SHISA6: variants seen among roughly 807,000 people sequenced by gnomAD.
SHISA6 encodes protein shisa-6.
In SHISA6, 22 loss-of-function variants were observed where a neutral mutation model predicts 47.9. The ratio of observed to expected loss-of-function variants is 0.46; its 90% CI spans 0.33 to 0.66. The LOEUF (loss-of-function observed/expected upper bound fraction) is 0.66, where lower values mean the gene tolerates loss of function less well. Ranked by LOEUF, SHISA6 falls within the 30% of genes least tolerant of loss-of-function variation. The pLI, the probability that SHISA6 is intolerant of heterozygous loss-of-function variation, is 0.02. For missense variants in SHISA6, 680 were observed against 764.6 expected (o/e 0.89, Z 1.30); for synonymous variants, 388 against 337.8 (o/e 1.15, Z -1.63).
chr17:11,242,218 T>G (rs72635524), intron 1 of SHISA6, among the ~76,000 whole-genome samples, 158 bp downstream of exon 1: 67,757 of 152,112 alleles, frequency 0.45, 16,893 homozygotes, highest in Admixed American at 0.62. Context: ...CAGGGTCTTC[T>G]TGTGCCCCCT....
At chr17:11,363,813 G>C (rs1181873777) in intron 2 of SHISA6, among the ~76,000 whole-genome samples, 1 of 152,110 alleles carries the variant, frequency 6.6e-6, no homozygotes, top group African/African-American at 2.4e-5. Flanking sequence ...CCTTTCCATG[G>C]CAATGACCTG....
At chr17:11,509,304 C>T (rs935727477) in intron 3 of SHISA6, among the ~76,000 whole-genome samples, 1 of 152,260 alleles carries the variant, frequency 6.6e-6, no homozygotes, top group African/African-American at 2.4e-5. Context: ...AGGAGATCCA[C>T]TCAAAAAGTA....
intron 3 of SHISA6, among the ~76,000 whole-genome samples, chr17:11,479,087 T>C (rs889696051): frequency 1.3e-5 from 2 of 152,082 alleles, no homozygotes; most frequent in African/African-American, 2.4e-5. Context: ...ACCTTTTTTT[T>C]AATGGTTGCC....
At chr17:11,550,620 C>T (rs932261526) in intron 3 of SHISA6, among the ~76,000 whole-genome samples, 2 of 152,086 alleles carry the variant, frequency 1.3e-5, no homozygotes, top group East Asian at 1.9e-4. Flanking sequence ...TCCAGGCCCA[C>T]GGAACAACAG....
At chr17:11,450,003 G>C (rs1915342985) in intron 3 of SHISA6, among the ~76,000 whole-genome samples, 1 of 152,154 alleles carries the variant, frequency 6.6e-6, no homozygotes, top group Non-Finnish European at 1.5e-5. Flanking sequence ...TCCTGCGTCA[G>C]CCTCCCAAGT....
At chr17:11,273,988 C>T (rs1270327742) in intron 2 of SHISA6, among the ~76,000 whole-genome samples, 1 of 152,238 alleles carries the variant, frequency 6.6e-6, no homozygotes, top group Non-Finnish European at 1.5e-5. Flanking sequence ...AGTGGCTTTT[C>T]TCAGCATAGG....
chr17:11,455,193 CA>C lies in SHISA6; in HGVS notation c.895+75692del, dbSNP rs370108497. Among the ~76,000 whole-genome samples, 48 of 147,534 alleles carry C rather than the reference CA, an allele frequency of 3.3e-4. No homozygotes were observed. The South Asian group carries it at 6.3e-3, about 19-fold the overall frequency. On this transcript the variant is annotated intron_variant, in intron 3 of 5. Transcript: ENST00000441885. The stretch of plus-strand genomic sequence containing the variant: ...CAAAAAAACAAAACAAACAAACAAA[CA>C]AAAAAAACAGTTCAATGAATGAATG...
At chr17:11,260,710 T>C (rs1908201938) in intron 1 of SHISA6, among the ~76,000 whole-genome samples, 1 of 151,984 alleles carries the variant, frequency 6.6e-6, no homozygotes, top group Admixed American at 6.6e-5. Context: ...CCCTGCTCTC[T>C]CTTGCTTGGG....
intron 3 of SHISA6, among the ~76,000 whole-genome samples, chr17:11,443,886 G>C (rs1915160131): frequency 6.6e-6 from 1 of 152,180 alleles, no homozygotes; most frequent in Admixed American, 6.5e-5. Flanking sequence ...GTAAAAATAT[G>C]CTATCTGATG....
At chr17:11,291,903 T>C (rs1909560407) in intron 2 of SHISA6, among the ~76,000 whole-genome samples, 1 of 152,168 alleles carries the variant, frequency 6.6e-6, no homozygotes, top group African/African-American at 2.4e-5. Context: ...TATTTATTTA[T>C]TGTAACTGAT....
chr17:11,319,313 A>C (rs1282345662), intron 2 of SHISA6, among the ~76,000 whole-genome samples: 1 of 152,146 alleles, frequency 6.6e-6, no homozygotes, highest in East Asian at 1.9e-4. Flanking sequence ...TCCTGACCTC[A>C]GGTGATCCAC....
At chr17:11,449,164 G>A (rs1915314140) in intron 3 of SHISA6, among the ~76,000 whole-genome samples, 1 of 152,114 alleles carries the variant, frequency 6.6e-6, no homozygotes, top group African/African-American at 2.4e-5. Context: ...GCTTGGGGCT[G>A]GGCGTGGTGG....
At chr17:11,390,147 C>T (rs1396736972) in intron 3 of SHISA6, among the ~76,000 whole-genome samples, 2 of 152,224 alleles carry the variant, frequency 1.3e-5, no homozygotes, top group African/African-American at 2.4e-5. Context: ...AGTCTTACTC[C>T]ACTCCAAATA....
At chr17:11,413,328 GA>G (rs1367977930) in intron 3 of SHISA6, among the ~76,000 whole-genome samples, 69 of 152,316 alleles carry the variant, frequency 4.5e-4, no homozygotes, top group Non-Finnish European at 9.1e-4. Context: ...CTGCCCTATA[GA>G]ACAAGATGTC....
intron 2 of SHISA6, among the ~76,000 whole-genome samples, chr17:11,375,727 T>G (rs1040018975): frequency 6.6e-6 from 1 of 152,170 alleles, no homozygotes; most frequent in South Asian, 2.1e-4. Flanking sequence ...CTAGGACTTC[T>G]GAATTGTGCT....
chr17:11,375,767 G>A (rs1027382079), intron 2 of SHISA6, among the ~76,000 whole-genome samples: 6 of 152,162 alleles, frequency 3.9e-5, no homozygotes, highest in African/African-American at 1.4e-4. Flanking sequence ...GAGTTCTGAC[G>A]GGAGGTCGAG....
chr17:11,463,654 A>G (rs1915743589), intron 3 of SHISA6, among the ~76,000 whole-genome samples: 2 of 152,222 alleles, frequency 1.3e-5, no homozygotes, highest in African/African-American at 4.8e-5. Context: ...TCACTTGACA[A>G]TACATCATGG....
At chr17:11,380,870 C>T (rs1235709972) in intron 3 of SHISA6, among the ~76,000 whole-genome samples, 1 of 152,130 alleles carries the variant, frequency 6.6e-6, no homozygotes, top group Non-Finnish European at 1.5e-5. Flanking sequence ...AGCTTCAGTT[C>T]CTCCCCGTGA....
At chr17:11,318,762 T>C (rs975627) in intron 2 of SHISA6, among the ~76,000 whole-genome samples, 111,944 of 152,154 alleles carry the variant, frequency 0.74, 41,354 homozygotes, top group Middle Eastern at 0.77. Flanking sequence ...TATTAAATGC[T>C]TGAATTTTTG....
Sources: allele counts gnomAD v4.1 joint callset (sites outside exome capture counted in the v4.1 genomes callset), GRCh38; gene constraint gnomAD v4.1.1; transcripts MANE v1.5; gene names NCBI Gene and HGNC (gene_info 2026-07-23, HGNC 2026-07-21).